PACRG: variants seen among roughly 807,000 people sequenced by gnomAD.
PACRG encodes parkin coregulated gene protein.
PACRG carries 29 observed loss-of-function variants against 29.7 expected under a neutral mutation model. That is an observed-to-expected ratio of 0.98 (90% confidence interval 0.73 to 1.33). The LOEUF is 1.33. PACRG is among the 40% of genes most tolerant of loss of function. PACRG has a pLI of 0.00. For missense variants in PACRG, 279 were observed against 316.2 expected (o/e 0.88, Z 0.89); for synonymous variants, 116 against 118.7 (o/e 0.98, Z 0.15).
intron 3 of PACRG, among the ~76,000 whole-genome samples, chr6:163,073,247 C>T (rs1453442557): frequency 6.6e-6 from 1 of 152,060 alleles, no homozygotes; most frequent in Non-Finnish European, 1.5e-5. Flanking sequence ...ACCAGTGGAA[C>T]AGCATAGATA....
intron 4 of PACRG, among the ~76,000 whole-genome samples, chr6:163,143,264 C>T (rs1023518611): frequency 4.6e-5 from 7 of 151,954 alleles, no homozygotes; most frequent in Admixed American, 3.9e-4. Flanking sequence ...AAAAATAAAA[C>T]ACCTCAACAG....
rs552373546 is a variant in PACRG at position 163,289,826 on chromosome 6, G to GT, written c.614-24991dup. On this transcript the variant is annotated intron_variant, in intron 4 of 4. Coordinates refer to ENST00000366888, the MANE Select transcript of PACRG (RefSeq NM_001080379.2). ...CCACAGCACCACTCAGTCCTCTTCT[G>GT]TTTTTTTTTTCTTTTTCTTTTTTAT... Among the ~76,000 whole-genome samples the GT allele has an allele frequency of 4.5e-3, 664 of 149,210 alleles. 3 individuals are homozygous for GT. Among genetic ancestry groups the GT allele is most frequent in the African/African-American group, 8.1e-3 (331 of 40,762 alleles).
chr6:163,118,466 A>G (rs924790959), intron 4 of PACRG, among the ~76,000 whole-genome samples: 2 of 152,180 alleles, frequency 1.3e-5, no homozygotes, highest in Non-Finnish European at 2.9e-5. Flanking sequence ...ACAAAAAAAT[A>G]TTTTTTAAGC....
chr6:163,254,127 C>A (rs1485138804), intron 4 of PACRG, among the ~76,000 whole-genome samples: 1 of 152,200 alleles, frequency 6.6e-6, no homozygotes, highest in Non-Finnish European at 1.5e-5. Context: ...TTCAACATAG[C>A]CCTGAGCCAA....
rs6915137 is a variant in PACRG at position 163,264,492 on chromosome 6, A to T, written c.614-50335A>T. Among the ~76,000 whole-genome samples the T allele has an allele frequency of 5.4e-3, 827 of 152,158 alleles. 10 individuals carry two copies. Among genetic ancestry groups the T allele is most frequent in the African/African-American group, 0.019 (769 of 41,504 alleles). On this transcript the variant is annotated intron_variant, in intron 4 of 4. Transcript: ENST00000366888. ...AGGGGACACTGTGTGCACTCAGCCC[A>T]TGCAAACAGTAGGTGCCAGCCGAAG...
At chr6:163,257,241 G>A (rs191120335) in intron 4 of PACRG, among the ~76,000 whole-genome samples, 79 of 152,100 alleles carry the variant, frequency 5.2e-4, no homozygotes, top group Middle Eastern at 3.4e-3. Flanking sequence ...CCCCGTACAT[G>A]TTGAGTTGAG....
chr6:163,191,402 T>C (rs1333835798), intron 4 of PACRG, among the ~76,000 whole-genome samples: 1 of 152,138 alleles, frequency 6.6e-6, no homozygotes, highest in Non-Finnish European at 1.5e-5. Context: ...CACACCTTTA[T>C]GGCGAGTGGC....
At chr6:162,772,240 T>G (rs187062878) in intron 1 of PACRG, among the ~76,000 whole-genome samples, 53 of 152,282 alleles carry the variant, frequency 3.5e-4, no homozygotes, top group African/African-American at 1.1e-3. Context: ...TAGAAATTAT[T>G]TTTAAAAAGC....
intron 4 of PACRG, among the ~76,000 whole-genome samples, chr6:163,178,383 G>A (rs906862696): frequency 3.3e-5 from 5 of 152,288 alleles, no homozygotes; most frequent in Non-Finnish European, 5.9e-5. Flanking sequence ...TGGCAGGGGC[G>A]GATCTTTTGT....
chr6:162,947,734 G>C (rs1259833330), intron 2 of PACRG, among the ~76,000 whole-genome samples: 2 of 143,122 alleles, frequency 1.4e-5, no homozygotes, highest in African/African-American at 2.6e-5. Context: ...GCAAACATCA[G>C]CAGTGTTTCC....
intron 4 of PACRG, among the ~76,000 whole-genome samples, chr6:163,174,111 A>G (rs568550619): frequency 5.3e-5 from 8 of 152,324 alleles, no homozygotes; most frequent in African/African-American, 1.4e-4. Context: ...ATATCCTTTC[A>G]TGATTACTTT....
At chr6:162,920,512 A>G (rs1796993634) in intron 2 of PACRG, among the ~76,000 whole-genome samples, 1 of 152,154 alleles carries the variant, frequency 6.6e-6, no homozygotes, top group Admixed American at 6.5e-5. Flanking sequence ...GAAGTTATGG[A>G]TGGATGAGTG....
intron 2 of PACRG, among the ~76,000 whole-genome samples, chr6:163,032,301 A>G (rs1017598889): frequency 6.6e-6 from 1 of 152,082 alleles, no homozygotes; most frequent in African/African-American, 2.4e-5. Flanking sequence ...CTTCTGTTTG[A>G]TATTCATGAA....
chr6:163,295,929 C>T (rs994858476), intron 4 of PACRG, among the ~76,000 whole-genome samples: 1 of 152,178 alleles, frequency 6.6e-6, no homozygotes, highest in Non-Finnish European at 1.5e-5. Context: ...AATTCAGGGT[C>T]CTTGTCCCAT....
At chr6:162,951,318 G>A (rs1310797234) in intron 2 of PACRG, among the ~76,000 whole-genome samples, 1 of 152,212 alleles carries the variant, frequency 6.6e-6, no homozygotes, top group Non-Finnish European at 1.5e-5. Flanking sequence ...TTATTGGTCA[G>A]CACAGCTGAG....
chr6:163,232,666 G>A (rs1782091959), intron 4 of PACRG, among the ~76,000 whole-genome samples: 1 of 152,184 alleles, frequency 6.6e-6, no homozygotes, highest in Non-Finnish European at 1.5e-5. Flanking sequence ...AGGTCAACAG[G>A]TTCCTGTGGA....
chr6:162,798,213 G>C (rs146306241), intron 1 of PACRG, among the ~76,000 whole-genome samples: 110 of 152,262 alleles, frequency 7.2e-4, no homozygotes, highest in African/African-American at 2.1e-3. Flanking sequence ...AAAGAATGAT[G>C]GTTGCAAGTG....
At chr6:163,269,734 G>A (rs2128178733) in intron 4 of PACRG, among the ~76,000 whole-genome samples, 1 of 146,470 alleles carries the variant, frequency 6.8e-6, no homozygotes, top group South Asian at 2.2e-4. Context: ...GAATACCACT[G>A]AGGGGGAAAA....
At chr6:163,212,749 G>GTACATAT (rs57238242) in intron 4 of PACRG, among the ~76,000 whole-genome samples, 76,276 of 151,436 alleles carry the variant, frequency 0.5, 19,601 homozygotes, top group East Asian at 0.75. Flanking sequence ...ATTATAAAGG[G>GTACATAT]AAGAAGAGTA....
Sources: gnomAD v4.1 joint callset for allele counts (sites outside exome capture counted in the v4.1 genomes callset) on GRCh38, gnomAD v4.1.1 for gene constraint, MANE v1.5 for transcripts, NCBI Gene and HGNC (gene_info 2026-07-23, HGNC 2026-07-21) for gene names.